CTNNA3: variants seen among roughly 807,000 people sequenced by gnomAD.
CTNNA3 encodes the protein catenin alpha 3.
A neutral mutation model predicts 95.7 loss-of-function variants in CTNNA3; 76 were observed. The observed-to-expected ratio is 0.79, with a 90% CI of 0.66 to 0.96. CTNNA3 has a LOEUF of 0.96. CTNNA3 is among the 40% of genes least tolerant of loss of function. The pLI is 0.00. For synonymous variants in CTNNA3, 431 were observed against 374.4 expected, an observed-to-expected ratio of 1.15 and a Z score of -1.74; for missense variants, 1,191 against 1,089.8, an observed-to-expected ratio of 1.09 and a Z score of -1.31.
At chr10:67,750,370 A>G in intron 1 of CTNNA3, 1 of 1,500,628 alleles carries the variant, frequency 6.7e-7, no homozygotes, top group Non-Finnish European at 9.3e-7. Flanking sequence ...GCAAAGTGAA[A>G]GAAGTGGTGA....
intron 15 of CTNNA3, among the ~76,000 whole-genome samples, chr10:66,024,562 T>C (rs2079299695): frequency 6.6e-6 from 1 of 152,184 alleles, no homozygotes; most frequent in African/African-American, 2.4e-5. Context: ...AAAATCAACA[T>C]ATTGACATAC....
chr10:66,163,625 G>A (rs1305727356), intron 13 of CTNNA3, among the ~76,000 whole-genome samples: 1 of 152,060 alleles, frequency 6.6e-6, no homozygotes, highest in Non-Finnish European at 1.5e-5. Context: ...TCTTGGGATT[G>A]CTGGTTTGTT....
At chr10:66,830,103 C>A (rs1323573741) in intron 7 of CTNNA3, among the ~76,000 whole-genome samples, 1 of 152,276 alleles carries the variant, frequency 6.6e-6, no homozygotes, top group East Asian at 1.9e-4. Flanking sequence ...CATGTCTCAC[C>A]ACTAAAGATT....
chr10:67,430,757 T>C (rs1846082914), intron 5 of CTNNA3, among the ~76,000 whole-genome samples: 1 of 151,350 alleles, frequency 6.6e-6, no homozygotes. Flanking sequence ...AAATACTGTA[T>C]ATGCAATTAT....
chr10:65,995,173 A>G (rs977605153), intron 15 of CTNNA3, among the ~76,000 whole-genome samples: 1 of 151,896 alleles, frequency 6.6e-6, no homozygotes, highest in African/African-American at 2.4e-5. Flanking sequence ...TTTTATTGTA[A>G]TATCTTGCTG....
intron 12 of CTNNA3, among the ~76,000 whole-genome samples, chr10:66,304,709 T>C (rs2091908574): frequency 2.0e-5 from 3 of 152,086 alleles, no homozygotes; most frequent in African/African-American, 7.2e-5. Flanking sequence ...CACTCACATA[T>C]AAACCATACA....
intron 6 of CTNNA3, among the ~76,000 whole-genome samples, chr10:67,192,346 C>A (rs1176556128): frequency 6.6e-6 from 1 of 151,706 alleles, no homozygotes; most frequent in Non-Finnish European, 1.5e-5. Flanking sequence ...TATTTGTAGA[C>A]CATGTATTCA....
At chr10:67,358,284 C>CT (rs1193288687) in intron 5 of CTNNA3, among the ~76,000 whole-genome samples, 2 of 152,092 alleles carry the variant, frequency 1.3e-5, no homozygotes, top group Non-Finnish European at 2.9e-5. Context: ...TTCATCAACA[C>CT]TAAAACATTT....
intron 10 of CTNNA3, among the ~76,000 whole-genome samples, chr10:66,590,772 T>C (rs1443309299): frequency 1.3e-5 from 2 of 152,056 alleles, no homozygotes; most frequent in Admixed American, 6.6e-5. Context: ...GAAAAAACAG[T>C]ATTAGAAAAA....
At chr10:67,745,078 A>C (rs1841366616) in intron 1 of CTNNA3, among the ~76,000 whole-genome samples, 1 of 152,130 alleles carries the variant, frequency 6.6e-6, no homozygotes, top group Non-Finnish European at 1.5e-5. Flanking sequence ...AAACTACTTC[A>C]ACCATTGTGG....
intron 1 of CTNNA3, among the ~76,000 whole-genome samples, chr10:67,681,000 A>G (rs1483092877): frequency 1.3e-5 from 2 of 152,222 alleles, no homozygotes; most frequent in Non-Finnish European, 2.9e-5. Flanking sequence ...ACCGTTTATG[A>G]TACCAATAAA....
At chr10:67,281,591 T>A (rs1839403185) in intron 5 of CTNNA3, among the ~76,000 whole-genome samples, 3 of 152,156 alleles carry the variant, frequency 2.0e-5, no homozygotes, top group Non-Finnish European at 4.4e-5. Context: ...ATATTTATAA[T>A]TCAGCAGGGA....
intron 7 of CTNNA3, among the ~76,000 whole-genome samples, chr10:67,033,810 G>T (rs145457232): frequency 0.02 from 2,997 of 152,054 alleles, 105 homozygotes; most frequent in African/African-American, 0.069. Flanking sequence ...TCACTCTGTC[G>T]CCCAGGCTGG....
intron 7 of CTNNA3, among the ~76,000 whole-genome samples, chr10:66,806,784 GTGTGTGTGTGTGTATACATA>G (rs924613703): frequency 1.3e-5 from 2 of 151,046 alleles, no homozygotes; most frequent in African/African-American, 4.9e-5. Flanking sequence ...GTGTGTGTGT[GTGTGTGTGTGTGTATACATA>G]TATACACAAT....
intron 6 of CTNNA3, among the ~76,000 whole-genome samples, chr10:67,196,811 T>A (rs1213582008): frequency 3.9e-5 from 6 of 152,136 alleles, no homozygotes; most frequent in African/African-American, 1.2e-4. Flanking sequence ...TGTTGTGATA[T>A]TGAATATTAT....
rs764381058 is a variant in CTNNA3 at position 67,342,099 on chromosome 10, CTT to C, written c.580-122231_580-122230del. On this transcript the variant is annotated intron_variant, in intron 5 of 17. Coordinates refer to ENST00000433211, the MANE Select transcript of CTNNA3 (RefSeq NM_013266.4). Reference sequence around the variant, plus strand: ...TTCTTTTAATTTATTTATTTTTCTTCTTTTTTTTTTTTTTTTTTTTTAGACAG... The same window carrying C: ...TTCTTTTAATTTATTTATTTTTCTTCTTTTTTTTTTTTTTTTTTTAGACAG... 3.0e-4 allele frequency among the ~76,000 whole-genome samples: 25 copies of C among 83,682 alleles called. No individual in the cohort carries two copies. In the East Asian group the frequency reaches 7.5e-3, roughly 25 times the overall value. The allele number at this position is 83,682 out of a possible 152,430, so 54.9% of individuals were successfully genotyped here.
At chr10:66,875,322 T>C (rs1454126095) in intron 7 of CTNNA3, among the ~76,000 whole-genome samples, 1 of 152,028 alleles carries the variant, frequency 6.6e-6, no homozygotes, top group African/African-American at 2.4e-5. Context: ...CTGGGTCCTA[T>C]TCATGGATTC....
chr10:66,524,049 T>C (rs1306938264), intron 10 of CTNNA3, among the ~76,000 whole-genome samples: 1 of 152,132 alleles, frequency 6.6e-6, no homozygotes, highest in Non-Finnish European at 1.5e-5. Context: ...CCACTCATCT[T>C]TGTACCTCTG....
intron 3 of CTNNA3, among the ~76,000 whole-genome samples, chr10:67,598,216 C>T (rs542424358): frequency 3.3e-5 from 5 of 152,260 alleles, no homozygotes; most frequent in African/African-American, 1.2e-4. Context: ...TTCTGGGTTC[C>T]ATGCAGGCTG....
Sources: gnomAD v4.1 joint callset for allele counts (sites outside exome capture counted in the v4.1 genomes callset) on GRCh38, gnomAD v4.1.1 for gene constraint, MANE v1.5 for transcripts, NCBI Gene and HGNC (gene_info 2026-07-23, HGNC 2026-07-21) for gene names.